Variants in INPP4B observed in about 807,000 individuals in gnomAD.
The protein encoded by INPP4B is inositol polyphosphate-4-phosphatase type II B.
A neutral mutation model predicts 122.5 loss-of-function variants in INPP4B; 55 were observed. That is an observed-to-expected ratio of 0.45 (90% CI 0.36 to 0.56). INPP4B has a LOEUF of 0.56. INPP4B is among the 20% of genes least tolerant of loss of function. The probability of loss-of-function intolerance (pLI) is 0.00; values close to 1 mark genes in which losing one functional copy is unlikely to be tolerated. For synonymous variants in INPP4B, 403 were observed against 388.7 expected, an observed-to-expected ratio of 1.04 and a Z score of -0.43; for missense variants, 1,000 against 1,097.7, an observed-to-expected ratio of 0.91 and a Z score of 1.26.
chr4:142,826,091 C>G (rs1781421579), intron 1 of INPP4B, among the ~76,000 whole-genome samples: 1 of 151,984 alleles, frequency 6.6e-6, no homozygotes, highest in South Asian at 2.1e-4. Flanking sequence ...ATGCAAATAG[C>G]TTGAGTAAAA....
intron 2 of INPP4B, among the ~76,000 whole-genome samples, chr4:142,683,076 C>G (rs1758860068): frequency 6.6e-6 from 1 of 151,726 alleles, no homozygotes; most frequent in Non-Finnish European, 1.5e-5. Flanking sequence ...TCATTTTTTG[C>G]TTCTTTAGTC....
chr4:142,633,809 A>G (rs1047984224), intron 2 of INPP4B, among the ~76,000 whole-genome samples: 5 of 152,148 alleles, frequency 3.3e-5, no homozygotes, highest in African/African-American at 1.2e-4. Flanking sequence ...CATAAAATAG[A>G]TTAATTGAAA....
At chr4:142,730,874 G>A (rs1232367994) in intron 1 of INPP4B, among the ~76,000 whole-genome samples, 5 of 152,170 alleles carry the variant, frequency 3.3e-5, no homozygotes, top group South Asian at 2.1e-4. Flanking sequence ...GGTAGACAGC[G>A]TTGACTTATG....
intron 2 of INPP4B, among the ~76,000 whole-genome samples, chr4:142,616,179 C>T (rs1012453595): frequency 6.6e-5 from 10 of 152,250 alleles, no homozygotes; most frequent in African/African-American, 2.4e-4. Flanking sequence ...TCTCTTGGTG[C>T]TGCCCTCGGA....
intron 2 of INPP4B, among the ~76,000 whole-genome samples, chr4:142,651,142 G>T (rs115739489): frequency 6.6e-6 from 1 of 151,974 alleles, no homozygotes; most frequent in African/African-American, 2.4e-5. Context: ...ACAAAATTAA[G>T]GAAGAAATAA....
chr4:142,091,926 C>T (rs1779729553), intron 23 of INPP4B, among the ~76,000 whole-genome samples: 1 of 152,190 alleles, frequency 6.6e-6, no homozygotes, highest in Admixed American at 6.5e-5. Context: ...AGTCCCTAAT[C>T]TACTCACTTC....
intron 2 of INPP4B, among the ~76,000 whole-genome samples, chr4:142,537,937 A>C (rs1175016214): frequency 1.3e-5 from 2 of 152,100 alleles, no homozygotes; most frequent in Admixed American, 1.3e-4. Context: ...TGGAAAACTG[A>C]AGTAAGCTGG....
chr4:142,537,542 G>A (rs913404612), intron 2 of INPP4B, among the ~76,000 whole-genome samples: 2 of 142,098 alleles, frequency 1.4e-5, no homozygotes, highest in African/African-American at 5.2e-5. Flanking sequence ...ATACACACAC[G>A]TAAAGTAAGT....
At chr4:142,409,471 C>A (rs912801273) in intron 5 of INPP4B, among the ~76,000 whole-genome samples, 2 of 150,294 alleles carry the variant, frequency 1.3e-5, no homozygotes, top group Non-Finnish European at 3.0e-5. Context: ...CTAGCCTGGG[C>A]AACAGAGCGA....
At chr4:142,744,301 A>G (rs1388901893) in intron 1 of INPP4B, among the ~76,000 whole-genome samples, 1 of 151,892 alleles carries the variant, frequency 6.6e-6, no homozygotes, top group Non-Finnish European at 1.5e-5. Context: ...TTTTTAATGA[A>G]CAGAAATGGG....
intron 2 of INPP4B, among the ~76,000 whole-genome samples, chr4:142,502,575 A>T (rs1257915648): frequency 6.6e-6 from 1 of 151,978 alleles, no homozygotes; most frequent in African/African-American, 2.4e-5. Flanking sequence ...TGCAACCTCC[A>T]TCTCCTGGGT....
intron 2 of INPP4B, among the ~76,000 whole-genome samples, chr4:142,509,310 T>C (rs907657470): frequency 5.3e-5 from 8 of 152,194 alleles, no homozygotes; most frequent in African/African-American, 1.9e-4. Flanking sequence ...ACATGTGCTA[T>C]GGTGGTTTGC....
chr4:142,268,344 A>AAAAAAAAAAAAAAAAAAAAAAAAG (rs1743982289), intron 10 of INPP4B, among the ~76,000 whole-genome samples: 1 of 145,166 alleles, frequency 6.9e-6, no homozygotes, highest in Non-Finnish European at 1.5e-5. Flanking sequence ...AAAAAAAAAA[A>AAAAAAAAAAAAAAAAAAAAAAAAG]AATGAGGGGT....
chr4:142,068,526 C>A (rs1249713928), intron 25 of INPP4B, among the ~76,000 whole-genome samples: 1 of 152,148 alleles, frequency 6.6e-6, no homozygotes. Context: ...AATTAAAAGA[C>A]ACAGACTGGC....
chr4:142,620,589 C>A (rs1462904069), intron 2 of INPP4B, among the ~76,000 whole-genome samples: 1 of 151,754 alleles, frequency 6.6e-6, no homozygotes, highest in East Asian at 1.9e-4. Flanking sequence ...ATAGTATGTA[C>A]AACAAACCCG....
intron 1 of INPP4B, among the ~76,000 whole-genome samples, chr4:142,830,441 C>T (rs1040585916): frequency 6.6e-6 from 1 of 152,058 alleles, no homozygotes; most frequent in Non-Finnish European, 1.5e-5. Context: ...ATAGAAAATG[C>T]TGACCACCTC....
At chr4:142,215,384 G>T (rs1846678612) in intron 12 of INPP4B, among the ~76,000 whole-genome samples, 1 of 152,184 alleles carries the variant, frequency 6.6e-6, no homozygotes, top group African/African-American at 2.4e-5. Context: ...TGGAACCTGG[G>T]CAGTTGATTT....
intron 25 of INPP4B, among the ~76,000 whole-genome samples, chr4:142,070,911 C>T (rs1766851596): frequency 6.6e-6 from 1 of 152,096 alleles, no homozygotes; most frequent in African/African-American, 2.4e-5. Flanking sequence ...GCCATACTGC[C>T]CAAGGTAATT....
intron 7 of INPP4B, among the ~76,000 whole-genome samples, chr4:142,359,131 A>C (rs977617): frequency 0.41 from 61,938 of 151,586 alleles, 13,021 homozygotes; most frequent in East Asian, 0.64. Flanking sequence ...GTCCATTGTG[A>C]CAGGAAATAA....
Sources: gnomAD v4.1 joint callset for allele counts (sites outside exome capture counted in the v4.1 genomes callset) on GRCh38, gnomAD v4.1.1 for gene constraint, MANE v1.5 for transcripts, NCBI Gene and HGNC (gene_info 2026-07-23, HGNC 2026-07-21) for gene names.